Variants in GDA observed in about 807,000 individuals in gnomAD.
The protein encoded by GDA is cytoplasmic PSD-95 interactor.
A neutral mutation model predicts 59.6 loss-of-function variants in GDA; 18 were observed. That is an observed-to-expected ratio of 0.30 (90% CI 0.21 to 0.45). The LOEUF (loss-of-function observed/expected upper bound fraction) is 0.45. Ranked by LOEUF, GDA falls within the 20% of genes least tolerant of loss-of-function variation. The pLI, the probability that GDA is intolerant of heterozygous loss-of-function variation, is 1.00. For synonymous variants in GDA, 201 were observed against 201.1 expected, an observed-to-expected ratio of 1.00 and a Z score of 0.00; for missense variants, 427 against 552.3, an observed-to-expected ratio of 0.77 and a Z score of 2.27.
At chr9:72,118,605 ATTT>A (rs1236633012) in intron 1 of GDA, among the ~76,000 whole-genome samples, 2 of 152,180 alleles carry the variant, frequency 1.3e-5, no homozygotes, top group Non-Finnish European at 2.9e-5. Flanking sequence ...TTTAACCAGC[ATTT>A]TTCCCCAAAA....
downstream of GDA, among the ~76,000 whole-genome samples, chr9:72,259,214 G>A (rs2131915350): frequency 6.6e-6 from 1 of 152,008 alleles, no homozygotes; most frequent in East Asian, 1.9e-4. Flanking sequence ...TAGTAGAGAT[G>A]GGGTTTCACC....
At chr9:72,210,146 C>T (rs1212659050) in intron 3 of GDA, among the ~76,000 whole-genome samples, 3 of 152,264 alleles carry the variant, frequency 2.0e-5, no homozygotes, top group East Asian at 1.9e-4. Flanking sequence ...TCCAGGTTCT[C>T]GTCCATGTTT....
intron 1 of GDA, among the ~76,000 whole-genome samples, chr9:72,171,569 T>C (rs1312565275): frequency 2.0e-5 from 3 of 152,170 alleles, no homozygotes; most frequent in Non-Finnish European, 4.4e-5. Flanking sequence ...GAAAACATTT[T>C]TTTTTTCCTG....
chr9:72,254,541 A>C (rs1258986775), downstream of GDA, among the ~76,000 whole-genome samples: 1 of 152,220 alleles, frequency 6.6e-6, no homozygotes, highest in Non-Finnish European at 1.5e-5. Context: ...AGAGGAAGCA[A>C]ACATTTGTTC....
chr9:72,136,688 A>C (rs1278441926), intron 1 of GDA, among the ~76,000 whole-genome samples: 1 of 152,128 alleles, frequency 6.6e-6, no homozygotes, highest in Non-Finnish European at 1.5e-5. Flanking sequence ...TAAAATATAC[A>C]TATGAGGCTG....
intron 1 of GDA, among the ~76,000 whole-genome samples, chr9:72,151,170 G>T (rs1249764291): frequency 2.0e-5 from 3 of 152,198 alleles, no homozygotes; most frequent in Non-Finnish European, 4.4e-5. Flanking sequence ...GAATAAAAGA[G>T]TTTCCCAAAC....
chr9:72,170,598 A>G (rs749111806), intron 1 of GDA, among the ~76,000 whole-genome samples: 1 of 152,104 alleles, frequency 6.6e-6, no homozygotes, highest in Non-Finnish European at 1.5e-5. Context: ...GAGGCTTACT[A>G]TTTCCTTACC....
rs1840249725 is a variant in GDA at position 72,247,276 on chromosome 9, T to C, written c.1267-130T>C. The C allele has an allele frequency of 5.5e-6, 4 of 722,306 alleles. No individual in the cohort carries two copies. The East Asian group carries it at 1.0e-4, about 18-fold the overall frequency. The allele number at this position is 722,306 out of a possible 1,614,324, so 44.7% of individuals were successfully genotyped here. On this transcript the variant is annotated intron_variant, in intron 12 of 13. Transcript: ENST00000358399. ...AGCACATAGCCACTTCTTTTTTAAT[T>C]AATAGAAGTAGATTTTGCCATTGAG...
At chr9:72,141,923 A>C (rs1006159167) in intron 1 of GDA, among the ~76,000 whole-genome samples, 1 of 152,162 alleles carries the variant, frequency 6.6e-6, no homozygotes, top group African/African-American at 2.4e-5. Flanking sequence ...AATGTGTGAA[A>C]TCATTTCAGT....
At chr9:72,247,502 C>T (rs1840276371) in intron 13 of GDA, 69 bp downstream of exon 13, 2 of 824,194 alleles carry the variant, frequency 2.4e-6, no homozygotes, top group Non-Finnish European at 4.1e-6. Flanking sequence ...TTGGGTATGG[C>T]TCTATGTATT....
intron 1 of GDA, among the ~76,000 whole-genome samples, chr9:72,158,000 C>T (rs2130807188): frequency 6.6e-6 from 1 of 152,314 alleles, no homozygotes; most frequent in Non-Finnish European, 1.5e-5. Flanking sequence ...GAATAGTCCT[C>T]CTTTTTATAT....
chr9:72,255,388 A>G (rs984388783), downstream of GDA, among the ~76,000 whole-genome samples: 8 of 152,204 alleles, frequency 5.3e-5, no homozygotes, highest in African/African-American at 1.7e-4. Flanking sequence ...TTTGGTAGCC[A>G]TCTGCTGGTT....
At chr9:72,235,645 C>T (rs556261391) in intron 10 of GDA, among the ~76,000 whole-genome samples, 21 of 150,442 alleles carry the variant, frequency 1.4e-4, no homozygotes, top group Middle Eastern at 6.8e-3. Flanking sequence ...TGCAGTGAGC[C>T]GAGATTGCAC....
At chr9:72,238,840 A>G (rs1839301430) in intron 10 of GDA, among the ~76,000 whole-genome samples, 1 of 152,170 alleles carries the variant, frequency 6.6e-6, no homozygotes, top group Non-Finnish European at 1.5e-5. Flanking sequence ...ATTCTTCAGC[A>G]CTTCAGTTAT....
Position 72,248,469 on chromosome 9 carries a change from A to G in GDA, c.*127A>G. 1 of 1,500,788 alleles carries G rather than the reference A, an allele frequency of 6.7e-7. No individual in the cohort carries two copies. Among genetic ancestry groups the G allele is most frequent in the Non-Finnish European group, 8.9e-7 (1 of 1,124,124 alleles). 93.0% of individuals were successfully genotyped at this position (1,500,788 alleles called of 1,614,324 possible). On this transcript the variant is annotated 3_prime_UTR_variant, in exon 14 of 14. Transcript: ENST00000358399. ...GGGATGACTATCCCTTTCTGTGTCTAGTTACAGTATTCACTTGACAAATAG... is the reference window on the plus strand; with the variant it reads ...GGGATGACTATCCCTTTCTGTGTCTGGTTACAGTATTCACTTGACAAATAG...
At chr9:72,174,142 A>G (rs116109920) in intron 1 of GDA, among the ~76,000 whole-genome samples, 2,233 of 152,268 alleles carry the variant, frequency 0.015, 56 homozygotes, top group African/African-American at 0.052. Context: ...TTCAAGACCT[A>G]TATCAACTTC....
chr9:72,213,662 G>A (rs1057271710), intron 4 of GDA, among the ~76,000 whole-genome samples: 1 of 151,916 alleles, frequency 6.6e-6, no homozygotes, highest in African/African-American at 2.4e-5. Flanking sequence ...AATTAGCCGG[G>A]CGCGGTGGCG....
chr9:72,181,448 C>T (rs1439394151), intron 1 of GDA, among the ~76,000 whole-genome samples: 3 of 152,188 alleles, frequency 2.0e-5, no homozygotes, highest in South Asian at 2.1e-4. Flanking sequence ...CCTCAGCCTC[C>T]GGAGTAACTG....
At chr9:72,219,739 A>G (rs1836613854) in intron 6 of GDA, among the ~76,000 whole-genome samples, 1 of 152,218 alleles carries the variant, frequency 6.6e-6, no homozygotes, top group South Asian at 2.1e-4. Context: ...AATCCACTCA[A>G]GGTGTACAAT....
Sources: gnomAD v4.1 joint callset for allele counts (sites outside exome capture counted in the v4.1 genomes callset) on GRCh38, gnomAD v4.1.1 for gene constraint, MANE v1.5 for transcripts, NCBI Gene and HGNC (gene_info 2026-07-23, HGNC 2026-07-21) for gene names.